Variants in SNX24 observed in about 807,000 individuals in gnomAD.
SNX24 encodes sorting nexin 24.
A neutral mutation model predicts 28.7 loss-of-function variants in SNX24; 22 were observed. That is an observed-to-expected ratio of 0.77 (90% CI 0.55 to 1.10). SNX24 has a LOEUF of 1.10. SNX24 is among the 50% of genes least tolerant of loss of function. SNX24 has a pLI of 0.00. For missense variants in SNX24, 221 were observed against 201.1 expected, an observed-to-expected ratio of 1.10 and a Z score of -0.60; for synonymous variants, 69 against 71.5, an observed-to-expected ratio of 0.96 and a Z score of 0.18.
At chr5:122,907,341 G>C (rs1241919831) in intron 1 of SNX24, among the ~76,000 whole-genome samples, 1 of 152,090 alleles carries the variant, frequency 6.6e-6, no homozygotes, top group Non-Finnish European at 1.5e-5. Flanking sequence ...GATGCAGATG[G>C]GGCCAAGTTG....
intron 1 of SNX24, among the ~76,000 whole-genome samples, chr5:122,884,415 T>A (rs1363861027): frequency 6.6e-6 from 1 of 151,894 alleles, no homozygotes. Flanking sequence ...TCTGGCTAAT[T>A]TTTGTATTTT....
At chr5:122,886,029 G>A (rs1031472727) in intron 1 of SNX24, among the ~76,000 whole-genome samples, 1 of 152,058 alleles carries the variant, frequency 6.6e-6, no homozygotes, top group Non-Finnish European at 1.5e-5. Flanking sequence ...CCGTTTCCCC[G>A]CGGCCCAGGG....
At chr5:122,888,900 G>A (rs890023501) in intron 1 of SNX24, among the ~76,000 whole-genome samples, 1 of 152,132 alleles carries the variant, frequency 6.6e-6, no homozygotes, top group African/African-American at 2.4e-5. Context: ...CGCCAAGAAT[G>A]GAGTGCAGTG....
chr5:123,010,217 C>T (rs957879198), downstream of SNX24, among the ~76,000 whole-genome samples: 1 of 152,202 alleles, frequency 6.6e-6, no homozygotes. Flanking sequence ...TATTCTCCAT[C>T]CCAGGTGCAG....
chr5:122,970,327 C>T lies in SNX24; in HGVS notation c.249+24168C>T, dbSNP rs529477607. On this transcript the variant is annotated intron_variant, in intron 3 of 6. Coordinates refer to ENST00000261369, the MANE Select transcript of SNX24 (RefSeq NM_014035.4). ...AAACTTTATTTTTAAAGTCCTTTCC[C>T]GTTTAGAATGCGGCATACTCTTGCT... Among the ~76,000 whole-genome samples the T allele has an allele frequency of 7.2e-5, 11 of 151,918 alleles. No individual in the cohort carries two copies. In the East Asian group the frequency reaches 1.7e-3, roughly 24 times the overall value.
At chr5:122,937,156 G>C (rs910421776) in intron 2 of SNX24, among the ~76,000 whole-genome samples, 19 of 152,184 alleles carry the variant, frequency 1.2e-4, no homozygotes, top group African/African-American at 4.6e-4. Flanking sequence ...ACAGACAGGG[G>C]AGAAAAAGCA....
intron 1 of SNX24, among the ~76,000 whole-genome samples, chr5:122,921,508 A>G (rs1758428298): frequency 6.6e-6 from 1 of 152,182 alleles, no homozygotes. Flanking sequence ...TTGGCAGAAG[A>G]TCCACAGCTG....
chr5:122,960,147 G>C (rs901463290), intron 3 of SNX24, among the ~76,000 whole-genome samples: 3 of 152,098 alleles, frequency 2.0e-5, no homozygotes, highest in African/African-American at 7.2e-5. Context: ...ATTTTATTTT[G>C]AAAATTGTTG....
intron 2 of SNX24, among the ~76,000 whole-genome samples, chr5:122,942,882 A>C (rs30034): frequency 0.77 from 117,119 of 152,212 alleles, 45,940 homozygotes; most frequent in East Asian, 0.99. Flanking sequence ...CTATGATCAT[A>C]CGCTTCCTCA....
At chr5:122,973,072 A>G (rs1257534251) in intron 3 of SNX24, among the ~76,000 whole-genome samples, 2 of 152,196 alleles carry the variant, frequency 1.3e-5, no homozygotes, top group Non-Finnish European at 2.9e-5. Flanking sequence ...CCACTTGATT[A>G]TTAAAATGCT....
intron 1 of SNX24, among the ~76,000 whole-genome samples, chr5:122,925,762 T>C (rs181036055): frequency 1.3e-5 from 2 of 152,236 alleles, no homozygotes; most frequent in Non-Finnish European, 2.9e-5. Context: ...TTTATACATA[T>C]TCTTCCCAAT....
chr5:122,986,470 CAA>C (rs1216685944), intron 3 of SNX24, among the ~76,000 whole-genome samples: 1 of 152,030 alleles, frequency 6.6e-6, no homozygotes, highest in African/African-American at 2.4e-5. Flanking sequence ...GAAACAAACC[CAA>C]AGAGTCACAG....
chr5:122,872,802 T>C (rs1756041380), intron 1 of SNX24, among the ~76,000 whole-genome samples: 1 of 151,968 alleles, frequency 6.6e-6, no homozygotes, highest in South Asian at 2.1e-4. Context: ...TGTATCACAG[T>C]ATACAGCTCT....
At chr5:123,010,252 C>CT, downstream of SNX24, among the ~76,000 whole-genome samples, 1 of 152,092 alleles carries the variant, frequency 6.6e-6, no homozygotes. Context: ...AGCTGCTAGC[C>CT]TTCTACAGCT....
At chr5:123,001,375 T>A in intron 4 of SNX24, 30 bp from the exon 5 acceptor site, 1 of 1,530,830 alleles carries the variant, frequency 6.5e-7, no homozygotes, top group South Asian at 1.2e-5. Context: ...ATGTGGTTTT[T>A]TTGTTTTTTT....
At chr5:122,882,259 A>G (rs936094453) in intron 1 of SNX24, among the ~76,000 whole-genome samples, 6 of 152,166 alleles carry the variant, frequency 3.9e-5, no homozygotes, top group African/African-American at 9.7e-5. Context: ...TGAATTTTGA[A>G]TTTTATAGAT....
intron 5 of SNX24, among the ~76,000 whole-genome samples, chr5:123,021,676 C>T (rs192115115): frequency 6.6e-6 from 1 of 152,200 alleles, no homozygotes; most frequent in Admixed American, 6.5e-5. Flanking sequence ...CACATCATGC[C>T]CCTCCGCAAC....
chr5:123,026,909 A>T (rs1452851651), intron 5 of SNX24, among the ~76,000 whole-genome samples: 1 of 152,142 alleles, frequency 6.6e-6, no homozygotes, highest in African/African-American at 2.4e-5. Context: ...AAAACCCAGA[A>T]GTAGGCTGGG....
chr5:122,968,074 A>G (rs577268065), intron 3 of SNX24, among the ~76,000 whole-genome samples: 1 of 152,326 alleles, frequency 6.6e-6, no homozygotes, highest in African/African-American at 2.4e-5. Flanking sequence ...AATGTGTGTA[A>G]CCTATAAAAT....
Sources: allele counts gnomAD v4.1 joint callset (sites outside exome capture counted in the v4.1 genomes callset), GRCh38; gene constraint gnomAD v4.1.1; transcripts MANE v1.5; gene names NCBI Gene and HGNC (gene_info 2026-07-23, HGNC 2026-07-21).